The following CRTC1 variants were observed in gnomAD, a reference collection of about 807,000 sequenced individuals.
The protein encoded by CRTC1 is CREB-regulated transcription coactivator 1.
In CRTC1, 18 loss-of-function variants were observed where a neutral mutation model predicts 66.1. The observed-to-expected ratio is 0.27, with a 90% CI of 0.19 to 0.40. CRTC1 has a LOEUF of 0.40. CRTC1 is among the 10% of genes least tolerant of loss of function. The pLI, the probability that CRTC1 is intolerant of heterozygous loss-of-function variation, is 1.00. For missense variants in CRTC1, 669 were observed against 887.9 expected, an observed-to-expected ratio of 0.75 and a Z score of 3.13; for synonymous variants, 416 against 398.8, an observed-to-expected ratio of 1.04 and a Z score of -0.51.
intron 1 of CRTC1, among the ~76,000 whole-genome samples, chr19:18,711,208 G>T (rs2053383041): frequency 6.6e-6 from 1 of 152,188 alleles, no homozygotes; most frequent in African/African-American, 2.4e-5. Context: ...AGGGGCCTGG[G>T]AGGACTTCTT....
In CRTC1 at chr19:18,733,980, G is replaced by A. The variant is rs186121245; in HGVS notation, c.127-8930G>A. Among the ~76,000 whole-genome samples, 326 of 152,150 alleles carry A rather than the reference G, an allele frequency of 2.1e-3. 2 individuals are homozygous for A. The highest frequency in any genetic ancestry group is 5.0e-3 in the South Asian group (24 of 4,818). On this transcript the variant is annotated intron_variant, in intron 1 of 13. Coordinates refer to ENST00000321949, the MANE Select transcript of CRTC1 (RefSeq NM_015321.3). The stretch of plus-strand genomic sequence containing the variant: ...AAAAATTCGCCGGGCATGGTGGCGC[G>A]TGCCTGTAATCCCAGCTACTTGGGA...
At chr19:18,749,691 T>C in intron 4 of CRTC1, 90 bp from the exon 5 acceptor site, 3 of 1,061,584 alleles carry the variant, frequency 2.8e-6, no homozygotes, top group Non-Finnish European at 4.4e-6. Flanking sequence ...GCTGCCACCC[T>C]GTCCATCCAG....
chr19:18,725,825 C>A (rs982613321), intron 1 of CRTC1, among the ~76,000 whole-genome samples: 4 of 152,226 alleles, frequency 2.6e-5, no homozygotes, highest in African/African-American at 7.2e-5. Context: ...TCCGCCTCGG[C>A]CCTCCCGTGT....
chr19:18,705,442 C>T (rs562340934), intron 1 of CRTC1, among the ~76,000 whole-genome samples: 1 of 152,138 alleles, frequency 6.6e-6, no homozygotes. Flanking sequence ...CTCAGCCTCC[C>T]GAGTAGCTGG....
intron 1 of CRTC1, among the ~76,000 whole-genome samples, chr19:18,705,271 A>G (rs1435038756): frequency 6.6e-6 from 1 of 151,968 alleles, no homozygotes; most frequent in African/African-American, 2.4e-5. Flanking sequence ...CCTACTCATA[A>G]TTTTTTTGGG....
In CRTC1 at chr19:18,777,594, C is replaced by A; in HGVS notation, c.*212C>A. On this transcript the variant is annotated 3_prime_UTR_variant, in exon 14 of 14. Coordinates refer to ENST00000321949, the MANE Select transcript of CRTC1 (RefSeq NM_015321.3). The surrounding 1 kb of genome is among the most constrained non-coding windows in gnomAD (Gnocchi z 5.5). ...CGGGCCGTCCACCCACCCGCCCGCC[C>A]AGGGCTGGGCTGGGATCGGAGGCCG... The A allele has an allele frequency of 1.8e-6, 1 of 546,118 alleles. No homozygotes were observed. 33.8% of individuals were successfully genotyped at this position (546,118 alleles called of 1,614,324 possible).
At position 18,711,706 on chromosome 19, in the gene CRTC1, C is replaced by G. The variant is rs766965139; in HGVS notation, c.126+27878C>G. On this transcript the variant is annotated intron_variant, in intron 1 of 13. Coordinates refer to ENST00000321949, the MANE Select transcript of CRTC1 (RefSeq NM_015321.3). ...GGTGCCGGGCAGTTCCGCCCATTCC[C>G]GGCTGCGTTGGGAGGGGGTGTGTGA... Among the ~76,000 whole-genome samples the G allele has an allele frequency of 3.3e-5, 5 of 152,000 alleles. No homozygotes were observed. The South Asian group carries it at 1.0e-3, about 32-fold the overall frequency.
At chr19:18,759,076 G>A (rs974850379) in intron 6 of CRTC1, among the ~76,000 whole-genome samples, 1 of 152,146 alleles carries the variant, frequency 6.6e-6, no homozygotes, top group African/African-American at 2.4e-5. Flanking sequence ...GCAGTGACGC[G>A]TGCCTATGGT....
chr19:18,706,197 T>C (rs970149979), intron 1 of CRTC1, among the ~76,000 whole-genome samples: 3 of 82,862 alleles, frequency 3.6e-5, no homozygotes, highest in African/African-American at 1.5e-4. Context: ...TTTTTTTTTT[T>C]TTTTTTTTTT....
chr19:18,688,551 G>C (rs1360083688), intron 1 of CRTC1, among the ~76,000 whole-genome samples: 1 of 152,014 alleles, frequency 6.6e-6, no homozygotes, highest in Non-Finnish European at 1.5e-5. Context: ...CGATTCTTCT[G>C]CCTCAGCCTC....
chr19:18,683,684 A>AGGAGGT lies in CRTC1; in HGVS notation c.-16_-11dup. ...GAGGTGGAGGAGGAGGAGGAGGAGGAGGAGGTGGCGGCGAGAAGATGGCGA... is the reference window on the plus strand; with the variant it reads ...GAGGTGGAGGAGGAGGAGGAGGAGGAGGAGGTGGAGGTGGCGGCGAGAAGATGGCGA... On this transcript the variant is annotated 5_prime_UTR_variant, in exon 1 of 14. Coordinates refer to ENST00000321949, the MANE Select transcript of CRTC1 (RefSeq NM_015321.3). 7.3e-7 allele frequency: 1 copy of AGGAGGT among 1,372,232 alleles called. No homozygotes were observed. Among genetic ancestry groups the AGGAGGT allele is most frequent in the African/African-American group, 1.6e-5 (1 of 64,262 alleles). 85.0% of individuals were successfully genotyped at this position (1,372,232 alleles called of 1,614,324 possible). A position where few individuals can be genotyped will look rare whatever the true frequency, so the allele number is the denominator to read the frequency against.
Position 18,768,426 on chromosome 19 carries a change from G to T in CRTC1, c.1012-59G>T. ...TGAGCATGCCAGGCTATGGGGGCCC[G>T]AGGGGGCCAGGCGCTGACAACCAGG... On this transcript the variant is annotated intron_variant, in intron 9 of 13. Coordinates refer to ENST00000321949, the MANE Select transcript of CRTC1 (RefSeq NM_015321.3). The surrounding 1 kb of genome is among the most constrained non-coding windows in gnomAD (Gnocchi z 5.6). 1 of 1,474,508 alleles carries T rather than the reference G, an allele frequency of 6.8e-7. No homozygotes were observed. 91.3% of individuals were successfully genotyped at this position (1,474,508 alleles called of 1,614,324 possible). A position where few individuals can be genotyped will look rare whatever the true frequency, so the allele number is the denominator to read the frequency against.
At chr19:18,750,478 G>A (rs1382248790) in intron 5 of CRTC1, among the ~76,000 whole-genome samples, 8 of 152,332 alleles carry the variant, frequency 5.3e-5, no homozygotes, top group Admixed American at 1.3e-4. Context: ...GAAGCCGGGC[G>A]TGGAGGCGGC....
At chr19:18,731,174 C>A (rs571563459) in intron 1 of CRTC1, among the ~76,000 whole-genome samples, 2 of 152,196 alleles carry the variant, frequency 1.3e-5, no homozygotes, top group African/African-American at 2.4e-5. Flanking sequence ...CATAGCAAAG[C>A]ACCATGAATC....
Position 18,777,466 on chromosome 19 carries a change from C to T in CRTC1, c.*84C>T, listed in dbSNP as rs893481356. On this transcript the variant is annotated 3_prime_UTR_variant, in exon 14 of 14. Transcript: ENST00000321949. This position sits in a 1 kb window ranked among gnomAD's most constrained non-coding sequence, Gnocchi z 5.5. ...ACGGCCGTGCTCCGTCCCTCGCCAA[C>T]GGCCGAGCTTGTGATTCTGAGCTTG... 34 of 1,279,824 alleles carry T rather than the reference C, an allele frequency of 2.7e-5. No homozygotes were observed. Among genetic ancestry groups the T allele is most frequent in the African/African-American group, 5.8e-5 (4 of 68,534 alleles). The allele number at this position is 1,279,824 out of a possible 1,614,324, so 79.3% of individuals were successfully genotyped here.
rs746405028 is a variant in CRTC1, at chr19:18,780,474, C to T, written c.*3092C>T. On this transcript the variant is annotated 3_prime_UTR_variant, in exon 14 of 14. Transcript: ENST00000321949. ...CAGGGCCCTGCTTGTGGGTTTTCGGCTCTGGGGAGGAGAGTGTTGGCATCA... is the reference window on the plus strand; with the variant it reads ...CAGGGCCCTGCTTGTGGGTTTTCGGTTCTGGGGAGGAGAGTGTTGGCATCA... 3 of 231,612 alleles carry T rather than the reference C, an allele frequency of 1.3e-5. No individual in the cohort carries two copies. Among genetic ancestry groups the T allele is most frequent in the Non-Finnish European group, 2.6e-5 (3 of 117,088 alleles). The allele number at this position is 231,612 out of a possible 1,614,324, so 14.3% of individuals were successfully genotyped here.
At chr19:18,699,823 G>T (rs1361541962) in intron 1 of CRTC1, among the ~76,000 whole-genome samples, 1 of 152,192 alleles carries the variant, frequency 6.6e-6, no homozygotes, top group African/African-American at 2.4e-5. Context: ...TTTATGCTTT[G>T]CAAGGATCCC....
At chr19:18,739,193 C>T (rs970152175) in intron 1 of CRTC1, among the ~76,000 whole-genome samples, 1 of 152,246 alleles carries the variant, frequency 6.6e-6, no homozygotes, top group African/African-American at 2.4e-5. Context: ...TGTCGCCCCG[C>T]TTGTTGACAG....
Position 18,781,597 on chromosome 19 carries a change from G to A in CRTC1, c.*4215G>A, listed in dbSNP as rs923442384. On this transcript the variant is annotated 3_prime_UTR_variant, in exon 14 of 14. Coordinates refer to ENST00000321949, the MANE Select transcript of CRTC1 (RefSeq NM_015321.3). Reference sequence around the variant, plus strand: ...GGAGGTGGAGTAAGTTGTACCCCCAGGCCTGGGTGCTGGGGAGTTCCTGAG... The same window carrying A: ...GGAGGTGGAGTAAGTTGTACCCCCAAGCCTGGGTGCTGGGGAGTTCCTGAG... 14 of 229,602 alleles carry A rather than the reference G, an allele frequency of 6.1e-5. No homozygotes were observed. The highest frequency in any genetic ancestry group is 2.4e-4 in the African/African-American group (11 of 45,064). 14.2% of individuals were successfully genotyped at this position (229,602 alleles called of 1,614,324 possible).
Sources: gnomAD v4.1 joint callset for allele counts (sites outside exome capture counted in the v4.1 genomes callset) on GRCh38, gnomAD v4.1.1 for gene constraint, Gnocchi (gnomAD v3.1) non-coding constraint, MANE v1.5 for transcripts, NCBI Gene and HGNC (gene_info 2026-07-23, HGNC 2026-07-21) for gene names.